The following RFK variants were observed in gnomAD, a reference collection of about 807,000 sequenced individuals.
RFK encodes the protein riboflavin kinase.
In RFK, 4 loss-of-function variants were observed where a neutral mutation model predicts 17.6. The ratio of observed to expected loss-of-function variants is 0.23; its 90% CI spans 0.11 to 0.52. The LOEUF is 0.52. RFK is among the 20% of genes least tolerant of loss of function. The pLI is 0.96. For synonymous variants in RFK, 59 were observed against 63.8 expected (o/e 0.92, Z 0.36); for missense variants, 189 against 187.7 (o/e 1.01, Z -0.04).
intron 3 of RFK, 82 bp downstream of exon 3, chr9:76,388,472 G>A: frequency 2.4e-6 from 2 of 834,598 alleles, no homozygotes; most frequent in East Asian, 2.4e-5. Flanking sequence ...TATCTGTCCT[G>A]CCATCATTAT....
rs1822774661 is a variant in RFK at position 76,388,621 on chromosome 9, G to C, written c.270C>G (p.Phe90Leu). The C allele has an allele frequency of 6.2e-7, 1 of 1,612,024 alleles. No individual in the cohort carries two copies. The highest frequency in any genetic ancestry group is 1.3e-5 in the African/African-American group (1 of 74,914). The change falls in exon 3 of 4, where the codon TTC becomes TTG. Residue 90 changes from phenylalanine (F) to leucine (L), a missense_variant. Physicochemically the swap from Phe to Leu is conservative, Grantham distance 22 (BLOSUM62 0). This residue lies in a region of RFK where 95 missense variants were observed against 95.7 expected (regional missense o/e 0.99). Transcript: ENST00000376736. ...TGGCCACATTGAGGATTTCCCCATA[G>C]AAGTCCTCTTTGAAGGTATGCATGA... ...THIMHTFKED[F>L]YGEILNVAIV... is the part of the protein sequence containing the mutation.
At chr9:76,392,150 A>T (rs1822826928) in intron 2 of RFK, among the ~76,000 whole-genome samples, 1 of 152,220 alleles carries the variant, frequency 6.6e-6, no homozygotes, top group South Asian at 2.1e-4. Flanking sequence ...ACTACCACAA[A>T]AGGCAGTAAT....
intron 2 of RFK, among the ~76,000 whole-genome samples, chr9:76,390,213 AC>A (rs1298810004): frequency 6.6e-6 from 1 of 152,236 alleles, no homozygotes; most frequent in Non-Finnish European, 1.5e-5. Context: ...CAGATACCAT[AC>A]TAAAAAAGTC....
chr9:76,391,096 T>C (rs1822814423), intron 2 of RFK, among the ~76,000 whole-genome samples: 1 of 152,238 alleles, frequency 6.6e-6, no homozygotes, highest in East Asian at 1.9e-4. Flanking sequence ...GAATGGTATT[T>C]TGTGATCTTT....
At chr9:76,393,512 T>C in intron 1 of RFK, among the ~76,000 whole-genome samples, 1 of 152,234 alleles carries the variant, frequency 6.6e-6, no homozygotes, top group African/African-American at 2.4e-5. Context: ...CGGCCAAAGC[T>C]TCTTATTTTT....
intron 2 of RFK, among the ~76,000 whole-genome samples, chr9:76,390,839 CT>C (rs56821125): frequency 0.54 from 79,205 of 146,520 alleles, 22,029 homozygotes; most frequent in East Asian, 0.62. Context: ...TAAGATAACG[CT>C]TTTTTTTTTT....
chr9:76,386,482 G>C lies in RFK; in HGVS notation c.*917C>G, dbSNP rs1295072396. ...TCACTTAAATCTTGAGAAAACCTAA[G>C]GATGAAGTCTGTTGTTTTGTTTTTC... On this transcript the variant is annotated 3_prime_UTR_variant, in exon 4 of 4. Transcript: ENST00000376736. The C allele has an allele frequency of 6.6e-6, 1 of 152,068 alleles. No individual in the cohort carries two copies. The highest frequency in any genetic ancestry group is 1.5e-5 in the Non-Finnish European group (1 of 68,010). 9.4% of individuals were successfully genotyped at this position (152,068 alleles called of 1,614,324 possible).
rs1331360634 is a variant in RFK, at chr9:76,386,541, TGAA to T, written c.*855_*857del. On this transcript the variant is annotated 3_prime_UTR_variant, in exon 4 of 4. Coordinates refer to ENST00000376736, the MANE Select transcript of RFK (RefSeq NM_018339.6). ...GGAAAAAAGAACCAAAGAAAAATGT[TGAA>T]GAACAAGAATATTTACCATTAAAAA... The T allele has an allele frequency of 6.6e-6, 1 of 152,156 alleles. No individual in the cohort carries two copies. The highest frequency in any genetic ancestry group is 2.4e-5 in the African/African-American group (1 of 41,452). The allele number at this position is 152,156 out of a possible 1,614,324, so 9.4% of individuals were successfully genotyped here.
rs909588330 is a variant in RFK at position 76,385,879 on chromosome 9, C to G, written c.*1520G>C. ...AGTATAAGATTTCTAAAATTAAAAA[C>G]TGTTTTTGACATATTTTTATAAAGA... is the stretch of plus-strand genomic sequence containing the variant. On this transcript the variant is annotated 3_prime_UTR_variant, in exon 4 of 4. Coordinates refer to ENST00000376736, the MANE Select transcript of RFK (RefSeq NM_018339.6). 6.6e-6 allele frequency: 1 copy of G among 152,162 alleles called. No individual in the cohort carries two copies. Among genetic ancestry groups the G allele is most frequent in the Non-Finnish European group, 1.5e-5 (1 of 68,000 alleles). The allele number at this position is 152,162 out of a possible 1,614,324, so 9.4% of individuals were successfully genotyped here.
chr9:76,385,844 G>A lies in RFK; in HGVS notation c.*1555C>T, dbSNP rs1822721970. On this transcript the variant is annotated 3_prime_UTR_variant, in exon 4 of 4. Transcript: ENST00000376736. The stretch of plus-strand genomic sequence containing the variant: ...CTTCATAAAGCCACTGATAATTGAG[G>A]TTTCTTTCAAGTATAAGATTTCTAA... 1 of 152,106 alleles carries A rather than the reference G, an allele frequency of 6.6e-6. No homozygotes were observed. The highest frequency in any genetic ancestry group is 1.9e-4 in the East Asian group (1 of 5,198). The allele number at this position is 152,106 out of a possible 1,614,324, so 9.4% of individuals were successfully genotyped here. A position where few individuals can be genotyped will look rare whatever the true frequency, so the allele number is the denominator to read the frequency against.
intron 1 of RFK, 23 bp downstream of exon 1, chr9:76,394,067 G>A (rs745799370): frequency 2.0e-4 from 320 of 1,574,252 alleles, no homozygotes; most frequent in Non-Finnish European, 2.4e-4. Flanking sequence ...CGGCCCGGGG[G>A]ACTCTGGCCG....
At chr9:76,393,151 A>AT (rs1365953787) in intron 1 of RFK, among the ~76,000 whole-genome samples, 4 of 151,746 alleles carry the variant, frequency 2.6e-5, no homozygotes, top group African/African-American at 7.3e-5. Flanking sequence ...GAGTAGATGG[A>AT]TTTTTTCAGA....
rs779524636 is a variant in RFK, at chr9:76,387,263, C to T, written c.*136G>A. The T allele has an allele frequency of 1.3e-6, 1 of 751,762 alleles. No individual in the cohort carries two copies. The highest frequency in any genetic ancestry group is 1.7e-5 in the African/African-American group (1 of 57,518). The allele number at this position is 751,762 out of a possible 1,614,324, so 46.6% of individuals were successfully genotyped here. On this transcript the variant is annotated 3_prime_UTR_variant, in exon 4 of 4. Coordinates refer to ENST00000376736, the MANE Select transcript of RFK (RefSeq NM_018339.6). ...TAATAGTTGAAGCATGATATGATAA[C>T]AACATTGTACGGTTTAAACTAATTC... is the stretch of plus-strand genomic sequence containing the variant.
chr9:76,389,501 T>A (rs188236225), intron 2 of RFK, among the ~76,000 whole-genome samples: 1 of 152,342 alleles, frequency 6.6e-6, no homozygotes, highest in African/African-American at 2.4e-5. Context: ...AGTTCATGCC[T>A]GTAATCCCAG....
In RFK at chr9:76,386,528, C is replaced by A. The variant is rs1822733757; in HGVS notation, c.*871G>T. Reference sequence around the variant, plus strand: ...TTTTCCTAAAAAAGGAAAAAAGAACCAAAGAAAAATGTTGAAGAACAAGAA... The same window carrying A: ...TTTTCCTAAAAAAGGAAAAAAGAACAAAAGAAAAATGTTGAAGAACAAGAA... On this transcript the variant is annotated 3_prime_UTR_variant, in exon 4 of 4. Coordinates refer to ENST00000376736, the MANE Select transcript of RFK (RefSeq NM_018339.6). The A allele has an allele frequency of 6.6e-6, 1 of 151,502 alleles. No individual in the cohort carries two copies. Among genetic ancestry groups the A allele is most frequent in the African/African-American group, 2.4e-5 (1 of 41,180 alleles). The allele number at this position is 151,502 out of a possible 1,614,324, so 9.4% of individuals were successfully genotyped here.
At chr9:76,393,150 G>C (rs1225770982) in intron 1 of RFK, among the ~76,000 whole-genome samples, 4 of 151,696 alleles carry the variant, frequency 2.6e-5, no homozygotes, top group Non-Finnish European at 5.9e-5. Flanking sequence ...AGAGTAGATG[G>C]ATTTTTTCAG....
rs1038246455 is a variant in RFK, at chr9:76,387,124, C to T, written c.*275G>A. On this transcript the variant is annotated 3_prime_UTR_variant, in exon 4 of 4. Coordinates refer to ENST00000376736, the MANE Select transcript of RFK (RefSeq NM_018339.6). ...CTCAAACTAGTGACTTGCCTTTTTA[C>T]CCATACTTATACACATGTAATACCT... The T allele has an allele frequency of 2.9e-5, 7 of 238,392 alleles. No individual in the cohort carries two copies. The South Asian group carries it at 3.5e-4, about 12-fold the overall frequency. The allele number at this position is 238,392 out of a possible 1,614,324, so 14.8% of individuals were successfully genotyped here.
At chr9:76,393,835 G>A (rs1053168210) in intron 1 of RFK, 1 of 500,360 alleles carries the variant, frequency 2.0e-6, no homozygotes, top group African/African-American at 2.0e-5. Context: ...GGGGAATCCT[G>A]CGATTCATCT....
At chr9:76,393,995 G>A in intron 1 of RFK, 95 bp downstream of exon 1, 4 of 1,197,992 alleles carry the variant, frequency 3.3e-6, no homozygotes, top group East Asian at 2.8e-5. Flanking sequence ...CCCGCGGTCC[G>A]GAGGCCCCAC....
Sources: gnomAD v4.1 joint callset for allele counts (sites outside exome capture counted in the v4.1 genomes callset) on GRCh38, gnomAD v4.1.1 for gene constraint, gnomAD v4.1.1 regional missense constraint, MANE v1.5 for transcripts, NCBI Gene and HGNC (gene_info 2026-07-23, HGNC 2026-07-21) for gene names.